KIF26B: variants seen among roughly 807,000 people sequenced by gnomAD.
KIF26B encodes the protein kinesin family member 26B, also known as kinesin-like protein KIF26B.
In KIF26B, 63 loss-of-function variants were observed where a neutral mutation model predicts 151.2. The observed-to-expected ratio is 0.42, with a 90% CI of 0.34 to 0.51. The LOEUF (loss-of-function observed/expected upper bound fraction) is 0.51. Among genes scored for constraint, KIF26B ranks in the 20% least tolerant of loss-of-function variants. The probability of loss-of-function intolerance (pLI) is 0.07; values close to 1 mark genes in which losing one functional copy is unlikely to be tolerated. For synonymous variants in KIF26B, 1,357 were observed against 1,262.1 expected, an observed-to-expected ratio of 1.08 and a Z score of -1.59; for missense variants, 2,813 against 2,913.6, an observed-to-expected ratio of 0.97 and a Z score of 0.79.
intron 2 of KIF26B, among the ~76,000 whole-genome samples, chr1:245,321,267 A>C (rs1253297027): frequency 6.6e-6 from 1 of 152,198 alleles, no homozygotes; most frequent in Non-Finnish European, 1.5e-5. Flanking sequence ...CTTTACCACC[A>C]TGTTGAGCCT....
intron 2 of KIF26B, among the ~76,000 whole-genome samples, chr1:245,268,470 AAATAATAATAATAATAATAATAAT>A (rs59590596): frequency 1.3e-4 from 18 of 134,750 alleles, no homozygotes; most frequent in East Asian, 8.8e-4. Flanking sequence ...CTCCATCTCC[AAATAATAATAATAATAATAATAAT>A]AATAATAATA....
chr1:245,451,423 G>T (rs887825504), intron 4 of KIF26B, among the ~76,000 whole-genome samples: 8 of 151,540 alleles, frequency 5.3e-5, no homozygotes, highest in African/African-American at 1.9e-4. Flanking sequence ...ATTTCTGGTT[G>T]TCTTCTATTA....
chr1:245,591,846 G>C (rs557064121), intron 5 of KIF26B, among the ~76,000 whole-genome samples: 9 of 152,236 alleles, frequency 5.9e-5, no homozygotes, highest in African/African-American at 2.2e-4. Context: ...CTTGCAGCCT[G>C]GCCAGCCCTG....
intron 12 of KIF26B, among the ~76,000 whole-genome samples, chr1:245,693,899 A>G (rs1351625526): frequency 6.6e-6 from 1 of 152,238 alleles, no homozygotes; most frequent in Admixed American, 6.5e-5. Context: ...TAAGCGAACC[A>G]ACCTAGAGCC....
intron 2 of KIF26B, among the ~76,000 whole-genome samples, chr1:245,355,722 A>G (rs537473280): frequency 8.5e-5 from 13 of 152,148 alleles, no homozygotes; most frequent in East Asian, 5.8e-4. Flanking sequence ...TCTCTGGGCT[A>G]TGTCTCCGGG....
chr1:245,685,356 G>C (rs185654365), intron 11 of KIF26B, 49 bp from the exon 12 acceptor site: 1 of 1,473,074 alleles, frequency 6.8e-7, no homozygotes, highest in East Asian at 2.3e-5. Context: ...GGGCTCCCGG[G>C]GAAACTGCCA....
intron 2 of KIF26B, among the ~76,000 whole-genome samples, chr1:245,223,483 C>A (rs1213809087): frequency 6.6e-6 from 1 of 152,194 alleles, no homozygotes; most frequent in African/African-American, 2.4e-5. Flanking sequence ...CTTAGAAAAT[C>A]CCCCTTAACT....
At chr1:245,169,152 G>A (rs560170148) in intron 2 of KIF26B, among the ~76,000 whole-genome samples, 12 of 152,182 alleles carry the variant, frequency 7.9e-5, no homozygotes, top group African/African-American at 2.4e-4. Context: ...CTTCCACCGA[G>A]CTCTCTGCAC....
At chr1:245,590,524 C>T (rs2043276444) in intron 5 of KIF26B, among the ~76,000 whole-genome samples, 1 of 152,182 alleles carries the variant, frequency 6.6e-6, no homozygotes. Context: ...AGAAAAACCT[C>T]CAGTTGTCAC....
intron 3 of KIF26B, among the ~76,000 whole-genome samples, chr1:245,380,382 T>G (rs1238780978): frequency 6.6e-6 from 1 of 152,216 alleles, no homozygotes; most frequent in Non-Finnish European, 1.5e-5. Context: ...AGTTGTCTAA[T>G]TAGATGACTC....
Position 245,375,461 on chromosome 1 carries a change from G to C in KIF26B, c.999+8094G>C, listed in dbSNP as rs1167235678. On this transcript the variant is annotated intron_variant, in intron 3 of 14. Transcript: ENST00000407071. This position sits in a 1 kb window ranked among gnomAD's most constrained non-coding sequence, Gnocchi z 4.2. Reference sequence around the variant, plus strand: ...GGAAGGCAGGAGGATCAGAACCAGAGAGAGGAGGTGGAAGGACAGAAGCAG... The same window carrying C: ...GGAAGGCAGGAGGATCAGAACCAGACAGAGGAGGTGGAAGGACAGAAGCAG... 6.6e-6 allele frequency among the ~76,000 whole-genome samples: 1 copy of C among 152,152 alleles called. No individual in the cohort carries two copies. Among genetic ancestry groups the C allele is most frequent in the Non-Finnish European group, 1.5e-5 (1 of 68,022 alleles).
At chr1:245,304,851 C>T (rs1197966116) in intron 2 of KIF26B, among the ~76,000 whole-genome samples, 1 of 151,868 alleles carries the variant, frequency 6.6e-6, no homozygotes, top group Non-Finnish European at 1.5e-5. Flanking sequence ...GACCAAGTGA[C>T]AGAACGAGAC....
At chr1:245,648,518 C>T (rs983536284) in intron 10 of KIF26B, among the ~76,000 whole-genome samples, 1 of 151,698 alleles carries the variant, frequency 6.6e-6, no homozygotes, top group Non-Finnish European at 1.5e-5. Context: ...GGTTGTAGTC[C>T]CAGCTACTTG....
intron 5 of KIF26B, among the ~76,000 whole-genome samples, chr1:245,558,815 A>T (rs1662099070): frequency 6.6e-6 from 1 of 152,226 alleles, no homozygotes; most frequent in South Asian, 2.1e-4. Context: ...AGCCCCTCAG[A>T]CCCAGCATCT....
chr1:245,618,685 T>C, intron 9 of KIF26B, among the ~76,000 whole-genome samples: 1 of 138,838 alleles, frequency 7.2e-6, no homozygotes, highest in Non-Finnish European at 1.5e-5. Context: ...ATAGGTTCCT[T>C]GAGACAGAGT....
chr1:245,372,817 A>G (rs545815766), intron 3 of KIF26B, among the ~76,000 whole-genome samples: 3 of 152,308 alleles, frequency 2.0e-5, no homozygotes, highest in African/African-American at 7.2e-5. Context: ...CTTTTGCATC[A>G]TGGTAGGAGA....
intron 10 of KIF26B, among the ~76,000 whole-genome samples, chr1:245,660,341 T>TG (rs5782362): frequency 0.1 from 3,158 of 31,364 alleles, 248 homozygotes; most frequent in African/African-American, 0.31. Flanking sequence ...TGCTATTTTT[T>TG]GGGGGGGCGG....
At chr1:245,288,629 T>G (rs1455652287) in intron 2 of KIF26B, among the ~76,000 whole-genome samples, 1 of 152,194 alleles carries the variant, frequency 6.6e-6, no homozygotes, top group Admixed American at 6.5e-5. Context: ...ACAGAATGCA[T>G]GGATGGTGGG....
rs1300750376 is a variant in KIF26B, at chr1:245,686,390, T to TG, written c.3408dup (p.Lys1137GlufsTer18). Reference sequence around the variant, plus strand: ...CCGGTTGGAATGAGCCCCCAGGTTTTGAAAAAATCCATGTCTGCTGGGAGC... The same window carrying TG: ...CCGGTTGGAATGAGCCCCCAGGTTTTGGAAAAAATCCATGTCTGCTGGGAGC... On this transcript the variant is annotated frameshift_variant, in exon 12 of 15. Coordinates refer to ENST00000407071, the MANE Select transcript of KIF26B (RefSeq NM_018012.4). LOFTEE classifies it high-confidence loss of function. This position sits in a 1 kb window ranked among gnomAD's most constrained non-coding sequence, Gnocchi z 5.6. The TG allele has an allele frequency of 6.2e-7, 1 of 1,613,356 alleles. No homozygotes were observed. Among genetic ancestry groups the TG allele is most frequent in the East Asian group, 2.2e-5 (1 of 44,856 alleles).
Sources: allele counts gnomAD v4.1 joint callset (sites outside exome capture counted in the v4.1 genomes callset), GRCh38; gene constraint gnomAD v4.1.1; non-coding constraint Gnocchi (gnomAD v3.1); transcripts MANE v1.5; gene names NCBI Gene and HGNC (gene_info 2026-07-23, HGNC 2026-07-21).